Variants in MACROD2 observed in about 807,000 individuals in gnomAD.
The protein encoded by MACROD2 is ADP-ribose glycohydrolase MACROD2.
Under a neutral mutation model 70.4 loss-of-function variants are expected in MACROD2, and 36 were observed. The observed-to-expected ratio is 0.51, with a 90% confidence interval of 0.39 to 0.68. MACROD2 has a LOEUF of 0.68. MACROD2 is among the 30% of genes least tolerant of loss of function. The pLI is 0.00. For missense variants in MACROD2, 496 were observed against 538.4 expected (o/e 0.92, Z 0.78); for synonymous variants, 172 against 178.8 (o/e 0.96, Z 0.30).
intron 6 of MACROD2, among the ~76,000 whole-genome samples, chr20:15,378,153 GAA>G (rs2045588873): frequency 1.0e-5 from 1 of 95,416 alleles, no homozygotes; most frequent in South Asian, 2.9e-4. Context: ...AAAAATAAAA[GAA>G]GAGAGAGAGA....
chr20:15,050,100 A>G (rs540781535), intron 5 of MACROD2, among the ~76,000 whole-genome samples: 8 of 152,308 alleles, frequency 5.3e-5, no homozygotes, highest in African/African-American at 1.9e-4. Context: ...TTAAGAAACA[A>G]TATTTTAGTG....
At chr20:15,907,001 A>C (rs997544507) in intron 10 of MACROD2, among the ~76,000 whole-genome samples, 1 of 152,244 alleles carries the variant, frequency 6.6e-6, no homozygotes, top group Non-Finnish European at 1.5e-5. Context: ...GGGAAGGCAC[A>C]ATGAAACTAG....
intron 3 of MACROD2, among the ~76,000 whole-genome samples, chr20:14,110,206 A>G (rs2054430498): frequency 6.6e-6 from 1 of 151,894 alleles, no homozygotes; most frequent in Middle Eastern, 3.2e-3. Context: ...ATCTAAAAAA[A>G]CTCGGTATAG....
intron 5 of MACROD2, among the ~76,000 whole-genome samples, chr20:14,953,557 G>C (rs1963725): frequency 0.014 from 2,199 of 152,160 alleles, 38 homozygotes; most frequent in Admixed American, 0.038. Flanking sequence ...CGCCCACCTC[G>C]GCCTCCCAAA....
intron 8 of MACROD2, among the ~76,000 whole-genome samples, chr20:15,843,171 A>G (rs919635927): frequency 8.5e-5 from 13 of 152,180 alleles, no homozygotes; most frequent in Non-Finnish European, 1.2e-4. Flanking sequence ...AATGAAACAG[A>G]GTTGCATGCT....
intron 3 of MACROD2, among the ~76,000 whole-genome samples, chr20:14,126,504 T>C (rs2054652311): frequency 6.6e-6 from 1 of 152,184 alleles, no homozygotes; most frequent in Admixed American, 6.6e-5. Flanking sequence ...CGTTCCATAG[T>C]GTGGGTGTGT....
At chr20:15,116,113 A>G (rs1214995735) in intron 5 of MACROD2, among the ~76,000 whole-genome samples, 1 of 152,206 alleles carries the variant, frequency 6.6e-6, no homozygotes, top group African/African-American at 2.4e-5. Flanking sequence ...GCCTATTTGA[A>G]AAGTGTTACG....
Position 14,028,176 on chromosome 20 carries a change from G to A in MACROD2, c.163+25772G>A, listed in dbSNP as rs535377446. On this transcript the variant is annotated intron_variant, in intron 2 of 17. Coordinates refer to ENST00000684519, the MANE Select transcript of MACROD2 (RefSeq NM_001351661.2). The stretch of plus-strand genomic sequence containing the variant: ...GCTCTGCGGAGCTGCAGTGGACTCC[G>A]CCTAGTTTGAAGTTCCTGGCGCTTT... 1.4e-4 allele frequency among the ~76,000 whole-genome samples: 21 copies of A among 152,288 alleles called. 1 individual carries two copies. Among genetic ancestry groups the A allele is most frequent in the East Asian group, 3.9e-4 (2 of 5,166 alleles).
rs535650717 is a variant in MACROD2 at position 14,496,265 on chromosome 20, A to C, written c.301+2757A>C. Among the ~76,000 whole-genome samples, 6 of 152,330 alleles carry C rather than the reference A, an allele frequency of 3.9e-5. No homozygotes were observed. The East Asian group carries it at 1.2e-3, about 29-fold the overall frequency. On this transcript the variant is annotated intron_variant, in intron 4 of 17. Coordinates refer to ENST00000684519, the MANE Select transcript of MACROD2 (RefSeq NM_001351661.2). Reference sequence around the variant, plus strand: ...GAATAATTTTTTAATTGACTAAACAATTTGATCAAGAAAATTTGACACCAC... The same window carrying C: ...GAATAATTTTTTAATTGACTAAACACTTTGATCAAGAAAATTTGACACCAC...
intron 7 of MACROD2, among the ~76,000 whole-genome samples, chr20:15,488,198 A>G (rs942612177): frequency 6.6e-6 from 1 of 152,148 alleles, no homozygotes; most frequent in African/African-American, 2.4e-5. Flanking sequence ...TGGAGTGTCT[A>G]GGCCAGCAGA....
At chr20:15,578,887 A>T (rs1168627899) in intron 8 of MACROD2, among the ~76,000 whole-genome samples, 5 of 152,244 alleles carry the variant, frequency 3.3e-5, no homozygotes, top group Non-Finnish European at 5.9e-5. Flanking sequence ...CACCTGGCAT[A>T]TAGTAACATA....
At chr20:15,157,560 G>A (rs1371596520) in intron 5 of MACROD2, among the ~76,000 whole-genome samples, 2 of 152,110 alleles carry the variant, frequency 1.3e-5, no homozygotes, top group Non-Finnish European at 2.9e-5. Context: ...TTTTGCAGGT[G>A]TGTGTTTTGA....
At chr20:14,683,800 TTCTA>T (rs1306302589) in intron 4 of MACROD2, among the ~76,000 whole-genome samples, 3 of 152,264 alleles carry the variant, frequency 2.0e-5, no homozygotes, top group Admixed American at 1.3e-4. Context: ...ACCTCTAATA[TTCTA>T]TCTATTTTCA....
intron 2 of MACROD2, among the ~76,000 whole-genome samples, chr20:14,048,537 G>T (rs1486613955): frequency 6.6e-6 from 1 of 152,018 alleles, no homozygotes; most frequent in Non-Finnish European, 1.5e-5. Flanking sequence ...GGGACTATTG[G>T]GTCAGTTTCA....
intron 4 of MACROD2, among the ~76,000 whole-genome samples, chr20:14,664,782 C>G (rs141453605): frequency 2.0e-5 from 3 of 151,960 alleles, no homozygotes; most frequent in African/African-American, 7.3e-5. Flanking sequence ...TCAAAACCAT[C>G]CTTAAAGAAA....
intron 8 of MACROD2, among the ~76,000 whole-genome samples, chr20:15,563,111 G>A (rs1033311326): frequency 3.9e-5 from 6 of 152,176 alleles, no homozygotes; most frequent in African/African-American, 1.2e-4. Context: ...ATGCTTATTC[G>A]CTGATGAGGA....
chr20:14,646,055 T>A (rs1985376515), intron 4 of MACROD2, among the ~76,000 whole-genome samples: 1 of 150,094 alleles, frequency 6.7e-6, no homozygotes, highest in South Asian at 2.1e-4. Flanking sequence ...TTATAAGAAA[T>A]ACCATATATT....
chr20:14,837,797 A>G (rs926055183), intron 5 of MACROD2, among the ~76,000 whole-genome samples: 2 of 152,064 alleles, frequency 1.3e-5, no homozygotes, highest in Admixed American at 1.3e-4. Flanking sequence ...AGGAAATTTA[A>G]TTTGATTAGT....
At chr20:14,225,199 A>G (rs2081721079) in intron 3 of MACROD2, among the ~76,000 whole-genome samples, 1 of 152,226 alleles carries the variant, frequency 6.6e-6, no homozygotes, top group African/African-American at 2.4e-5. Context: ...CTAGCTTAAA[A>G]ATGATATCAA....
Sources: gnomAD v4.1 joint callset for allele counts (sites outside exome capture counted in the v4.1 genomes callset) on GRCh38, gnomAD v4.1.1 for gene constraint, MANE v1.5 for transcripts, NCBI Gene and HGNC (gene_info 2026-07-23, HGNC 2026-07-21) for gene names.